Variants in NFX1 observed in about 807,000 individuals in gnomAD.
NFX1 encodes the protein transcriptional repressor NF-X1.
A neutral mutation model predicts 137.2 loss-of-function variants in NFX1; 69 were observed. That is an observed-to-expected ratio of 0.50 (90% CI 0.41 to 0.61). The LOEUF is 0.61. NFX1 is among the 20% of genes least tolerant of loss of function. The pLI is 0.00. For missense variants in NFX1, 1,167 were observed against 1,391.0 expected, an observed-to-expected ratio of 0.84 and a Z score of 2.56; for synonymous variants, 495 against 474.1, an observed-to-expected ratio of 1.04 and a Z score of -0.57.
chr9:33,351,455 C>CA, intron 15 of NFX1, 105 bp from the exon 16 acceptor site: 2 of 1,171,402 alleles, frequency 1.7e-6, no homozygotes, highest in East Asian at 2.5e-5. Flanking sequence ...GAAAACAAAA[C>CA]AAAACCAAAC....
intron 9 of NFX1, among the ~76,000 whole-genome samples, chr9:33,324,610 C>T (rs965538518): frequency 3.3e-5 from 5 of 151,938 alleles, no homozygotes; most frequent in African/African-American, 9.7e-5. Flanking sequence ...GCAGAAGAAA[C>T]GATCAGTGAA....
intron 15 of NFX1, chr9:33,348,402 C>T (rs1266808389): frequency 1.3e-5 from 2 of 151,944 alleles, no homozygotes; most frequent in African/African-American, 2.4e-5. Context: ...ATGTACACTC[C>T]TCGGGTGATG....
At chr9:33,301,523 C>T in intron 3 of NFX1, 102 bp downstream of exon 3, 1 of 1,285,256 alleles carries the variant, frequency 7.8e-7, no homozygotes, top group Non-Finnish European at 1.1e-6. Context: ...CTCTTAACTA[C>T]TTTTTCTGCA....
intron 22 of NFX1, among the ~76,000 whole-genome samples, chr9:33,367,018 A>G (rs1189859803): frequency 6.6e-6 from 1 of 152,264 alleles, no homozygotes; most frequent in Non-Finnish European, 1.5e-5. Context: ...CTACAGTCAT[A>G]GCAGATGCTG....
chr9:33,363,335 A>G (rs922348846), intron 19 of NFX1, among the ~76,000 whole-genome samples: 1 of 151,050 alleles, frequency 6.6e-6, no homozygotes, highest in African/African-American at 2.4e-5. Flanking sequence ...CCCAGGCTGG[A>G]GTGTAGTGGC....
intron 2 of NFX1, among the ~76,000 whole-genome samples, chr9:33,296,838 CTTCTA>C (rs1821376268): frequency 6.6e-6 from 1 of 152,196 alleles, no homozygotes; most frequent in Admixed American, 6.5e-5. Context: ...AATTTGCATG[CTTCTA>C]TTACAGAACT....
chr9:33,301,250 G>T lies in NFX1; in HGVS notation c.1034-13G>T, dbSNP rs1286815297. The T allele has an allele frequency of 2.5e-6, 4 of 1,606,240 alleles. No homozygotes were observed. In the Admixed American group the frequency reaches 5.2e-5, roughly 21 times the overall value. Reference sequence around the variant, plus strand: ...TTGAGTTAATCTTTTTTGTTATTTTGTTTTTTAAACAGGTTCTCTAATTGA... The same window carrying T: ...TTGAGTTAATCTTTTTTGTTATTTTTTTTTTTAAACAGGTTCTCTAATTGA... On this transcript the variant is annotated splice_polypyrimidine_tract_variant and intron_variant, in intron 2 of 23. Transcript: ENST00000379540.
chr9:33,366,519 T>C (rs1587884315), intron 21 of NFX1, 110 bp from the exon 22 acceptor site: 1 of 1,360,696 alleles, frequency 7.3e-7, no homozygotes, highest in East Asian at 2.3e-5. Context: ...GCTGTGGGCC[T>C]CTAAAATCAC....
At chr9:33,333,663 C>T (rs1167364769) in intron 11 of NFX1, among the ~76,000 whole-genome samples, 1 of 152,188 alleles carries the variant, frequency 6.6e-6, no homozygotes, top group Admixed American at 6.5e-5. Flanking sequence ...GGTAAAGGTA[C>T]ACAACATCCA....
intron 14 of NFX1, among the ~76,000 whole-genome samples, chr9:33,345,555 T>C (rs1823390461): frequency 6.6e-6 from 1 of 152,226 alleles, no homozygotes; most frequent in East Asian, 1.9e-4. Context: ...TTATACCTTA[T>C]ATGTATTTCT....
intron 12 of NFX1, among the ~76,000 whole-genome samples, chr9:33,340,467 A>G (rs1421084243): frequency 6.6e-6 from 1 of 152,222 alleles, no homozygotes; most frequent in Non-Finnish European, 1.5e-5. Context: ...CTGAGCCTCC[A>G]GGCCTGTCAT....
intron 9 of NFX1, among the ~76,000 whole-genome samples, chr9:33,327,654 C>T (rs999586960): frequency 4.6e-5 from 7 of 152,016 alleles, no homozygotes; most frequent in South Asian, 2.1e-4. Context: ...CGTGAGCCAC[C>T]GCACCAGGCC....
At chr9:33,299,514 A>T (rs1821475803) in intron 2 of NFX1, among the ~76,000 whole-genome samples, 1 of 152,058 alleles carries the variant, frequency 6.6e-6, no homozygotes, top group Non-Finnish European at 1.5e-5. Flanking sequence ...GGTAGACCCC[A>T]TCTCTACAAA....
intron 3 of NFX1, among the ~76,000 whole-genome samples, chr9:33,302,508 C>T (rs1214232969): frequency 4.6e-5 from 7 of 151,692 alleles, no homozygotes; most frequent in African/African-American, 1.7e-4. Flanking sequence ...ACTACAGGCA[C>T]ATGCCACCAC....
chr9:33,338,593 A>T lies in NFX1; in HGVS notation c.2115+4A>T. On this transcript the variant is annotated splice_donor_region_variant and intron_variant, in intron 12 of 23. Transcript: ENST00000379540. ...ATGTAATGAGATATGCTGTGTGGTA[A>T]GTGGACTTATTAGGCATAATCAGAT... is the stretch of plus-strand genomic sequence containing the variant. The T allele has an allele frequency of 3.2e-6, 5 of 1,586,534 alleles. No homozygotes were observed. Among genetic ancestry groups the T allele is most frequent in the Non-Finnish European group, 4.3e-6 (5 of 1,170,786 alleles).
intron 3 of NFX1, 138 bp from the exon 4 acceptor site, chr9:33,303,053 C>A: frequency 3.8e-6 from 2 of 520,148 alleles, no homozygotes; most frequent in Non-Finnish European, 3.5e-6. Context: ...GAATTTGTTC[C>A]TTAAATGTCT....
chr9:33,319,171 A>G (rs1252007063), intron 9 of NFX1, 44 bp downstream of exon 9: 1 of 1,554,822 alleles, frequency 6.4e-7, no homozygotes, highest in Non-Finnish European at 8.9e-7. Context: ...ATTATTGTAA[A>G]TGGTTGGCAG....
chr9:33,350,950 A>G (rs918266305), intron 15 of NFX1, among the ~76,000 whole-genome samples: 2 of 152,240 alleles, frequency 1.3e-5, no homozygotes, highest in African/African-American at 4.8e-5. Flanking sequence ...GTTCAAGACC[A>G]GCCATCTGGC....
chr9:33,342,096 A>G (rs775205417), intron 12 of NFX1, among the ~76,000 whole-genome samples: 16 of 151,766 alleles, frequency 1.1e-4, no homozygotes, highest in African/African-American at 3.9e-4. Context: ...AGCCTGGGCA[A>G]CAGAGTGAGA....
Sources: allele counts gnomAD v4.1 joint callset (sites outside exome capture counted in the v4.1 genomes callset), GRCh38; gene constraint gnomAD v4.1.1; transcripts MANE v1.5; gene names NCBI Gene and HGNC (gene_info 2026-07-23, HGNC 2026-07-21).